Variants in SLC12A7 observed in about 807,000 individuals in gnomAD.
SLC12A7 encodes solute carrier family 12 member 7, also known as K-Cl cotransporter 4.
A neutral mutation model predicts 120.6 loss-of-function variants in SLC12A7; 100 were observed. The ratio of observed to expected loss-of-function variants is 0.83; its 90% CI spans 0.71 to 0.98. The LOEUF (loss-of-function observed/expected upper bound fraction) is 0.98. Ranked by LOEUF, SLC12A7 falls within the 50% of genes least tolerant of loss-of-function variation. The pLI, the probability that SLC12A7 is intolerant of heterozygous loss-of-function variation, is 0.00. For synonymous variants in SLC12A7, 760 were observed against 678.0 expected, an observed-to-expected ratio of 1.12 and a Z score of -1.88; for missense variants, 1,373 against 1,548.1, an observed-to-expected ratio of 0.89 and a Z score of 1.90.
At chr5:1,064,498 C>G (rs1228141172) in intron 18 of SLC12A7, among the ~76,000 whole-genome samples, 2 of 152,244 alleles carry the variant, frequency 1.3e-5, no homozygotes, top group African/African-American at 4.8e-5. Context: ...GGAGGGAGTG[C>G]CTGGACACTT....
At chr5:1,052,489 C>T (rs1480933322) in intron 23 of SLC12A7, 38 bp from the exon 24 acceptor site, 2 of 1,529,048 alleles carry the variant, frequency 1.3e-6, no homozygotes, top group East Asian at 4.5e-5. Context: ...CTGATCTTAC[C>T]TGAGCGTGTG....
chr5:1,067,915 C>A (rs1309245408), intron 17 of SLC12A7, among the ~76,000 whole-genome samples: 3 of 151,884 alleles, frequency 2.0e-5, no homozygotes, highest in Admixed American at 6.5e-5. Flanking sequence ...CCTGTTATCA[C>A]AAGTCCCCGC....
At chr5:1,065,887 C>T (rs1449822194) in intron 17 of SLC12A7, among the ~76,000 whole-genome samples, 2 of 141,976 alleles carry the variant, frequency 1.4e-5, no homozygotes, top group African/African-American at 2.6e-5. Flanking sequence ...AAAGGGAGGC[C>T]GTGGGGTCCA....
At chr5:1,122,250 C>A in the SLC12A7 span, among the ~76,000 whole-genome samples, 1 of 152,164 alleles carries the variant, frequency 6.6e-6, no homozygotes, top group African/African-American at 2.4e-5. Context: ...CTTGAGAAAC[C>A]AGAACCCCCG....
Position 1,089,053 on chromosome 5 carries a change from G to A in SLC12A7, c.418C>T (p.Arg140Cys), listed in dbSNP as rs1740205332. Residue 140 changes from arginine to cysteine, a missense_variant, in exon 4 of 24, where the codon CGC becomes TGC. By Grantham distance (180) the Arg-to-Cys change is radical. Coordinates refer to ENST00000264930, the MANE Select transcript of SLC12A7 (RefSeq NM_006598.3). Reference protein sequence around the residue: ...QNILGVILFLRLTWIVGVAGV... With the variant: ...QNILGVILFLCLTWIVGVAGV... The stretch of plus-strand genomic sequence containing the variant: ...GCCACCCCCACGATCCACGTCAGGC[G>A]CAGGAAGAGGATGACGCCCAGGATG... The A allele has an allele frequency of 3.1e-6, 5 of 1,613,048 alleles. No homozygotes were observed. Among genetic ancestry groups the A allele is most frequent in the Non-Finnish European group, 4.2e-6 (5 of 1,179,968 alleles).
chr5:1,089,377 G>A (rs1269877792), intron 3 of SLC12A7, among the ~76,000 whole-genome samples: 4 of 152,128 alleles, frequency 2.6e-5, no homozygotes, highest in African/African-American at 7.2e-5. Context: ...CAGCTGCTCC[G>A]CTGTGCCTCC....
At chr5:1,103,475 A>C (rs1036919543) in intron 1 of SLC12A7, among the ~76,000 whole-genome samples, 3 of 151,980 alleles carry the variant, frequency 2.0e-5, no homozygotes, top group African/African-American at 7.2e-5. Context: ...ACAGACAGGC[A>C]CTTCCACGTG....
chr5:1,082,575 G>A (rs533556976), intron 8 of SLC12A7, among the ~76,000 whole-genome samples: 34 of 134,852 alleles, frequency 2.5e-4, no homozygotes, highest in East Asian at 2.2e-3. Context: ...TGGAAAGTCC[G>A]GGCTTCCTCT....
chr5:1,095,670 A>G (rs1436927900), intron 1 of SLC12A7, among the ~76,000 whole-genome samples: 1 of 152,200 alleles, frequency 6.6e-6, no homozygotes, highest in Non-Finnish European at 1.5e-5. Flanking sequence ...TGCACCAAAC[A>G]ACCCCAGCTG....
At chr5:1,080,999 GAGAGAGAGACAGACAGACA>G (rs1739010014) in intron 9 of SLC12A7, among the ~76,000 whole-genome samples, 2 of 63,452 alleles carry the variant, frequency 3.2e-5, no homozygotes, top group South Asian at 4.3e-4. Context: ...GAGAGAGACA[GAGAGAGAGACAGACAGACA>G]GACAGAGAGA....
rs112002428 is a variant in SLC12A7, at chr5:1,054,199, G to A, written c.3027-717C>T. On this transcript the variant is annotated intron_variant, in intron 22 of 23. Coordinates refer to ENST00000264930, the MANE Select transcript of SLC12A7 (RefSeq NM_006598.3). ...GGGCTAAAGGACAAGCACTTCCACCGTGTGGCCGTCCAGCCCCCGCCTTCC... is the reference window on the plus strand; with the variant it reads ...GGGCTAAAGGACAAGCACTTCCACCATGTGGCCGTCCAGCCCCCGCCTTCC... Among the ~76,000 whole-genome samples the A allele has an allele frequency of 1.7e-3, 263 of 152,306 alleles. 2 individuals are homozygous for A. Among genetic ancestry groups the A allele is most frequent in the African/African-American group, 6.0e-3 (248 of 41,574 alleles).
rs1738102219 is a variant in SLC12A7 at position 1,074,548 on chromosome 5, G to A, written c.2072+19C>T. ...CTCTTCTGTGCGTCTGAGGACCACG[G>A]GGCATGGGCGGTGCTCACCTCCAGT... is the stretch of plus-strand genomic sequence containing the variant. On this transcript the variant is annotated intron_variant, in intron 16 of 23. Transcript: ENST00000264930. 1 of 1,603,400 alleles carries A rather than the reference G, an allele frequency of 6.2e-7. No homozygotes were observed. Among genetic ancestry groups the A allele is most frequent in the South Asian group, 1.1e-5 (1 of 90,496 alleles).
rs1384363402 is a variant in SLC12A7 at position 1,105,123 on chromosome 5, C to A, written c.124+6745G>T. 2.1e-5 allele frequency among the ~76,000 whole-genome samples: 3 copies of A among 141,030 alleles called. No homozygotes were observed. The East Asian group carries it at 6.7e-4, about 31-fold the overall frequency. The allele number at this position is 141,030 out of a possible 152,430, so 92.5% of individuals were successfully genotyped here. A position where few individuals can be genotyped will look rare whatever the true frequency, so the allele number is the denominator to read the frequency against. ...CCCACCAGCCAAAGGGGACCCTCCC[C>A]GCAGGGATGAGGTCCTGCAGTCACC... On this transcript the variant is annotated intron_variant, in intron 1 of 23. Transcript: ENST00000264930.
chr5:1,074,967 C>T (rs1220122013), intron 15 of SLC12A7, among the ~76,000 whole-genome samples: 11 of 152,160 alleles, frequency 7.2e-5, no homozygotes, highest in Non-Finnish European at 1.2e-4. Context: ...AGTGGCTGGA[C>T]CCCGGGCACG....
intron 17 of SLC12A7, among the ~76,000 whole-genome samples, chr5:1,065,855 T>A (rs1202962051): frequency 6.8e-6 from 1 of 147,432 alleles, no homozygotes; most frequent in African/African-American, 2.5e-5. Flanking sequence ...CACCCGAAAA[T>A]GGGCCAAATT....
chr5:1,133,494 G>A, the SLC12A7 span, among the ~76,000 whole-genome samples: 8 of 152,132 alleles, frequency 5.3e-5, no homozygotes, highest in African/African-American at 1.7e-4. Context: ...TGTTCTTTCC[G>A]TCGACAGGAC....
chr5:1,154,187 ACCCTAAC>A, the SLC12A7 span, among the ~76,000 whole-genome samples: 26 of 151,692 alleles, frequency 1.7e-4, no homozygotes, highest in East Asian at 4.6e-3. Flanking sequence ...CCTAACCCTA[ACCCTAAC>A]CCCTAACCCC....
the SLC12A7 span, among the ~76,000 whole-genome samples, chr5:1,141,956 C>T: frequency 1.3e-5 from 2 of 152,178 alleles, no homozygotes; most frequent in African/African-American, 4.8e-5. Context: ...CTGAAGTGCT[C>T]CCAGCCACCA....
rs541031571 is a variant in SLC12A7, at chr5:1,070,089, GC to G, written c.2241+3543del. On this transcript the variant is annotated intron_variant, in intron 17 of 23. Transcript: ENST00000264930. Reference sequence around the variant, plus strand: ...AGCACACGGGCATCACACTTATGCAGCCCCCAGTGAGCCCCCAGCACACGGG... The same window carrying G: ...AGCACACGGGCATCACACTTATGCAGCCCCAGTGAGCCCCCAGCACACGGG... 1.8e-3 allele frequency among the ~76,000 whole-genome samples: 46 copies of G among 25,204 alleles called. 2 individuals are homozygous for G. The highest frequency in any genetic ancestry group is 0.012 in the South Asian group (5 of 432). 16.5% of individuals were successfully genotyped at this position (25,204 alleles called of 152,430 possible). A position where few individuals can be genotyped will look rare whatever the true frequency, so the allele number is the denominator to read the frequency against.
Sources: gnomAD v4.1 joint callset for allele counts (sites outside exome capture counted in the v4.1 genomes callset) on GRCh38, gnomAD v4.1.1 for gene constraint, MANE v1.5 for transcripts, NCBI Gene and HGNC (gene_info 2026-07-23, HGNC 2026-07-21) for gene names.